The following ZBTB8B variants were observed in gnomAD, a reference collection of about 807,000 sequenced individuals.
The protein encoded by ZBTB8B is zinc finger and BTB domain containing 8B.
Under a neutral mutation model 30.3 loss-of-function variants are expected in ZBTB8B, and 17 were observed. That is an observed-to-expected ratio of 0.56 (90% confidence interval 0.38 to 0.84). The LOEUF is 0.84. ZBTB8B is among the 40% of genes least tolerant of loss of function. The probability of loss-of-function intolerance (pLI) is 0.00; values close to 1 mark genes in which losing one functional copy is unlikely to be tolerated. For missense variants in ZBTB8B, 515 were observed against 644.9 expected (o/e 0.80, Z 2.18); for synonymous variants, 248 against 255.6 (o/e 0.97, Z 0.28).
At chr1:32,467,562 A>G (rs1482996958) in intron 1 of ZBTB8B, among the ~76,000 whole-genome samples, 4 of 152,032 alleles carry the variant, frequency 2.6e-5, no homozygotes, top group African/African-American at 9.7e-5. Flanking sequence ...CCCCAAGTGG[A>G]TTTTAAACTT....
rs894721729 is a variant in ZBTB8B, at chr1:32,484,662, C to T, written c.1171-439C>T. On this transcript the variant is annotated intron_variant, in intron 3 of 3. Transcript: ENST00000609129. The surrounding 1 kb of genome is among the most constrained non-coding windows in gnomAD (Gnocchi z 4.5). ...ATGGGGGCAGTTTCTCATGGTTTAACGCCATCCCTACTTGGTGCTGTCATC... is the reference window on the plus strand; with the variant it reads ...ATGGGGGCAGTTTCTCATGGTTTAATGCCATCCCTACTTGGTGCTGTCATC... Among the ~76,000 whole-genome samples the T allele has an allele frequency of 2.6e-5, 4 of 152,088 alleles. No homozygotes were observed. The highest frequency in any genetic ancestry group is 7.2e-5 in the African/African-American group (3 of 41,418).
At chr1:32,482,426 A>C (rs1415824384) in intron 3 of ZBTB8B, among the ~76,000 whole-genome samples, 2 of 152,014 alleles carry the variant, frequency 1.3e-5, no homozygotes, top group Admixed American at 1.3e-4. Context: ...TAATCCCAGC[A>C]CTTTGGGAGG....
intron 2 of ZBTB8B, among the ~76,000 whole-genome samples, chr1:32,477,988 C>T (rs1239487796): frequency 1.3e-5 from 2 of 149,784 alleles, no homozygotes; most frequent in African/African-American, 2.5e-5. Context: ...ACCTGGGAGA[C>T]GGAGGTTGCA....
rs558150568 is a variant in ZBTB8B, at chr1:32,493,813, T to C, written c.*8395T>C. 6.6e-6 allele frequency: 1 copy of C among 152,258 alleles called. No individual in the cohort carries two copies. Among genetic ancestry groups the C allele is most frequent in the East Asian group, 1.9e-4 (1 of 5,180 alleles). The allele number at this position is 152,258 out of a possible 1,614,324, so 9.4% of individuals were successfully genotyped here. A position where few individuals can be genotyped will look rare whatever the true frequency, so the allele number is the denominator to read the frequency against. The stretch of plus-strand genomic sequence containing the variant: ...ATGACAACAACAGATAACTTCCCAT[T>C]ATGTTGATCCAGTGTACTGTGACAG... On this transcript the variant is annotated 3_prime_UTR_variant, in exon 4 of 4. Coordinates refer to ENST00000609129, the MANE Select transcript of ZBTB8B (RefSeq NM_001145720.2).
chr1:32,468,048 G>A lies in ZBTB8B; in HGVS notation c.-41-2536G>A, dbSNP rs987683850. Among the ~76,000 whole-genome samples, 10 of 151,218 alleles carry A rather than the reference G, an allele frequency of 6.6e-5. 1 individual carries two copies. The highest frequency in any genetic ancestry group is 2.1e-4 in the South Asian group (1 of 4,770). On this transcript the variant is annotated intron_variant, in intron 1 of 3. Coordinates refer to ENST00000609129, the MANE Select transcript of ZBTB8B (RefSeq NM_001145720.2). Reference sequence around the variant, plus strand: ...GGATGATTACTTTAGCCAGGGAGGCGGAGGTCAGAGTGGGCCGAGATCACA... The same window carrying A: ...GGATGATTACTTTAGCCAGGGAGGCAGAGGTCAGAGTGGGCCGAGATCACA...
chr1:32,466,405 G>GCCTGACACAAGGA (rs1643570782), intron 1 of ZBTB8B, among the ~76,000 whole-genome samples: 1 of 152,158 alleles, frequency 6.6e-6, no homozygotes, highest in Admixed American at 6.5e-5. Flanking sequence ...CCGTTGAATT[G>GCCTGACACAAGGA]AGTTGGAACC....
Position 32,495,240 on chromosome 1 carries a change from T to C in ZBTB8B, c.*9822T>C, listed in dbSNP as rs957955060. 5 of 152,222 alleles carry C rather than the reference T, an allele frequency of 3.3e-5. No homozygotes were observed. The highest frequency in any genetic ancestry group is 7.4e-5 in the Non-Finnish European group (5 of 68,026). 9.4% of individuals were successfully genotyped at this position (152,222 alleles called of 1,614,324 possible). A position where few individuals can be genotyped will look rare whatever the true frequency, so the allele number is the denominator to read the frequency against. ...GAGTAAAAATGTATTCTTAGGTATTTCTTGACTCAGTGGATTTTAATCAGT... is the reference window on the plus strand; with the variant it reads ...GAGTAAAAATGTATTCTTAGGTATTCCTTGACTCAGTGGATTTTAATCAGT... On this transcript the variant is annotated 3_prime_UTR_variant, in exon 4 of 4. Transcript: ENST00000609129.
chr1:32,480,909 C>T lies in ZBTB8B; in HGVS notation c.1010C>T (p.Pro337Leu). The T allele has an allele frequency of 6.4e-7, 1 of 1,551,554 alleles. No homozygotes were observed. The highest frequency in any genetic ancestry group is 8.7e-7 in the Non-Finnish European group (1 of 1,146,858). The change falls in exon 3 of 4, where the codon CCC becomes CTC. Residue 337 changes from proline to leucine, a missense_variant. Pro to Leu is a moderately conservative substitution (Grantham distance 98). Coordinates refer to ENST00000609129, the MANE Select transcript of ZBTB8B (RefSeq NM_001145720.2). Reference protein sequence around the residue: ...GEDSGDVLVVPIKLHKCPFCP... With the variant: ...GEDSGDVLVVLIKLHKCPFCP... The stretch of plus-strand genomic sequence containing the variant: ...TCCCCAGGTGATGTGCTGGTGGTCC[C>T]CATCAAGCTCCACAAGTGTCCTTTC...
At chr1:32,474,377 A>AG (rs775559594) in intron 2 of ZBTB8B, among the ~76,000 whole-genome samples, 1 of 137,834 alleles carries the variant, frequency 7.3e-6, no homozygotes, top group Non-Finnish European at 1.6e-5. Flanking sequence ...AAAAAAAAAA[A>AG]AAAAATTGAA....
intron 1 of ZBTB8B, among the ~76,000 whole-genome samples, chr1:32,470,033 G>A (rs1045602709): frequency 5.9e-5 from 9 of 151,886 alleles, no homozygotes; most frequent in Non-Finnish European, 7.4e-5. Context: ...TTACAGGCCC[G>A]GCTAAGTTTT....
intron 2 of ZBTB8B, among the ~76,000 whole-genome samples, chr1:32,475,998 C>T (rs941544334): frequency 2.6e-5 from 4 of 151,642 alleles, no homozygotes; most frequent in African/African-American, 7.2e-5. Flanking sequence ...TTGTATTTTT[C>T]GTAGCAACAG....
rs1274128174 is a variant in ZBTB8B, at chr1:32,487,127, T to C, written c.*1709T>C. The C allele has an allele frequency of 2.0e-5, 3 of 152,214 alleles. No homozygotes were observed. Among genetic ancestry groups the C allele is most frequent in the Non-Finnish European group, 4.4e-5 (3 of 68,032 alleles). 9.4% of individuals were successfully genotyped at this position (152,214 alleles called of 1,614,324 possible). On this transcript the variant is annotated 3_prime_UTR_variant, in exon 4 of 4. Transcript: ENST00000609129. The stretch of plus-strand genomic sequence containing the variant: ...GTTGTCTTTCAAAAGGTGGTAAAAG[T>C]CACTTTTATTTCTACCTCTTGAACA...
intron 1 of ZBTB8B, among the ~76,000 whole-genome samples, chr1:32,468,839 C>T (rs1346669818): frequency 2.0e-5 from 3 of 148,194 alleles, no homozygotes; most frequent in Admixed American, 6.8e-5. Flanking sequence ...CCAGCCTGGG[C>T]GAGAGAGGGA....
In ZBTB8B at chr1:32,493,525, C is replaced by CA. The variant is rs1322909554; in HGVS notation, c.*8109dup. 3 of 151,032 alleles carry CA rather than the reference C, an allele frequency of 2.0e-5. No homozygotes were observed. Among genetic ancestry groups the CA allele is most frequent in the Non-Finnish European group, 4.4e-5 (3 of 67,724 alleles). 9.4% of individuals were successfully genotyped at this position (151,032 alleles called of 1,614,324 possible). On this transcript the variant is annotated 3_prime_UTR_variant, in exon 4 of 4. Transcript: ENST00000609129. ...CTGTAATCCCAGCACTTTGGGAGGTCAACGGGGGTGGATCACCTGAGGTCA... is the reference window on the plus strand; with the variant it reads ...CTGTAATCCCAGCACTTTGGGAGGTCAAACGGGGGTGGATCACCTGAGGTCA...
At chr1:32,483,173 C>G (rs532717045) in intron 3 of ZBTB8B, among the ~76,000 whole-genome samples, 1 of 137,838 alleles carries the variant, frequency 7.3e-6, no homozygotes, top group Non-Finnish European at 1.5e-5. Context: ...GATGGATCAT[C>G]GGATCATCCG....
At chr1:32,467,291 G>A (rs571363575) in intron 1 of ZBTB8B, among the ~76,000 whole-genome samples, 10 of 145,082 alleles carry the variant, frequency 6.9e-5, no homozygotes, top group Admixed American at 6.3e-4. Flanking sequence ...CGCCCAGGCT[G>A]GAGTGCAGTG....
intron 2 of ZBTB8B, among the ~76,000 whole-genome samples, chr1:32,478,544 A>G (rs929160898): frequency 2.0e-5 from 3 of 152,218 alleles, no homozygotes; most frequent in African/African-American, 7.2e-5. Context: ...AATAATTCCT[A>G]TTTTACTTGT....
intron 3 of ZBTB8B, among the ~76,000 whole-genome samples, chr1:32,481,477 G>A (rs1002437552): frequency 6.6e-6 from 1 of 151,972 alleles, no homozygotes; most frequent in African/African-American, 2.4e-5. Flanking sequence ...ATACTGCCAT[G>A]TATAGAGCTA....
In ZBTB8B at chr1:32,485,299, A is replaced by G. The variant is rs1643736719; in HGVS notation, c.1369A>G (p.Thr457Ala). 1 of 1,552,322 alleles carries G rather than the reference A, an allele frequency of 6.4e-7. No individual in the cohort carries two copies. Among genetic ancestry groups the G allele is most frequent in the African/African-American group, 1.4e-5 (1 of 73,168 alleles). ...ASSESQEKSD[T>A]DNDWPIYVES... ...ATCTGAAAGCCAAGAAAAGAGCGAC[A>G]CAGACAATGACTGGCCAATCTATGT... The change falls in exon 4 of 4, where the codon ACA becomes GCA. Residue 457 changes from threonine to alanine, a missense_variant. Thr to Ala is a moderately conservative substitution (Grantham distance 58). Around this residue, in one of 3 missense-constraint regions of ZBTB8B, gnomAD observed 429 missense variants for 504.3 expected, o/e 0.85. Transcript: ENST00000609129.
Sources: allele counts gnomAD v4.1 joint callset (sites outside exome capture counted in the v4.1 genomes callset), GRCh38; gene constraint gnomAD v4.1.1; regional missense constraint gnomAD v4.1.1; non-coding constraint Gnocchi (gnomAD v3.1); transcripts MANE v1.5; gene names NCBI Gene and HGNC (gene_info 2026-07-23, HGNC 2026-07-21).